The following CYB561 variants were observed in gnomAD, a reference collection of about 807,000 sequenced individuals.
CYB561 encodes transmembrane ascorbate-dependent reductase CYB561.
A neutral mutation model predicts 25.3 loss-of-function variants in CYB561; 11 were observed. That is an observed-to-expected ratio of 0.44 (90% CI 0.27 to 0.72). CYB561 has a LOEUF of 0.72. Ranked by LOEUF, CYB561 falls within the 30% of genes least tolerant of loss-of-function variation. The pLI is 0.18. For synonymous variants in CYB561, 165 were observed against 158.8 expected (o/e 1.04, Z -0.29); for missense variants, 295 against 334.9 (o/e 0.88, Z 0.93).
rs752043130 is a variant in CYB561 at position 63,437,395 on chromosome 17, G to A, written c.153C>T (p.Asn51=). Residue 51 remains asparagine (N), a synonymous_variant, in exon 2 of 6, where the codon AAC becomes AAT. Coordinates refer to ENST00000360793, the MANE Select transcript of CYB561 (RefSeq NM_001915.4). ...GIAWESDLQF[N]AHPLCMVIGL... is the part of the protein sequence containing the mutation. ...CTATGACCATGCAGAGGGGGTGCGC[G>A]TTGAACTGCAGGTCGCTCTCCCAGG... The A allele has an allele frequency of 6.2e-7, 1 of 1,614,072 alleles. No homozygotes were observed. The highest frequency in any genetic ancestry group is 8.5e-7 in the Non-Finnish European group (1 of 1,180,004).
At position 63,436,253 on chromosome 17, in the gene CYB561, G is replaced by GGA; in HGVS notation, c.203-102_203-101insTC. 1 of 1,420,574 alleles carries GGA rather than the reference G, an allele frequency of 7.0e-7. No homozygotes were observed. Among genetic ancestry groups the GGA allele is most frequent in the South Asian group, 1.3e-5 (1 of 75,570 alleles). The allele number at this position is 1,420,574 out of a possible 1,614,324, so 88.0% of individuals were successfully genotyped here. ...CCTTGGTGGAGAGGTGATGTGAGCTGACGGCTTGTAACAGGAGCCTAGCTG... is the reference window on the plus strand; with the variant it reads ...CCTTGGTGGAGAGGTGATGTGAGCTGGAACGGCTTGTAACAGGAGCCTAGCTG... On this transcript the variant is annotated intron_variant, in intron 2 of 5. Coordinates refer to ENST00000360793, the MANE Select transcript of CYB561 (RefSeq NM_001915.4). The surrounding 1 kb of genome is among the most constrained non-coding windows in gnomAD (Gnocchi z 4.8).
At chr17:63,438,138 G>A (rs2049334387) in intron 1 of CYB561, 1 of 1,535,436 alleles carries the variant, frequency 6.5e-7, no homozygotes, top group Non-Finnish European at 8.7e-7. Flanking sequence ...CACGACGCCA[G>A]GAGTTCCATA....
At position 63,436,972 on chromosome 17, in the gene CYB561, G is replaced by GCGCA. The variant is rs910891313; in HGVS notation, c.202+370_202+373dup. On this transcript the variant is annotated intron_variant, in intron 2 of 5. Transcript: ENST00000360793. This position sits in a 1 kb window ranked among gnomAD's most constrained non-coding sequence, Gnocchi z 4.8. ...TCCAAGACCAACAACACACATGCGC[G>GCGCA]CGCACGCACGCACGCATACAAACTC... 19 of 246,836 alleles carry GCGCA rather than the reference G, an allele frequency of 7.7e-5. No homozygotes were observed. Among genetic ancestry groups the GCGCA allele is most frequent in the Admixed American group, 2.6e-4 (5 of 19,368 alleles). 15.3% of individuals were successfully genotyped at this position (246,836 alleles called of 1,614,324 possible).
Position 63,434,395 on chromosome 17 carries a change from G to A in CYB561, c.*7C>T, listed in dbSNP as rs750202101. On this transcript the variant is annotated 3_prime_UTR_variant, in exon 6 of 6. Transcript: ENST00000360793. ...ACCCCGCGAACCCCCAGGGCCGGCC[G>A]GGCGCATCACTGGGAGCCGGGGCTA... 13 of 1,548,234 alleles carry A rather than the reference G, an allele frequency of 8.4e-6. No homozygotes were observed. The highest frequency in any genetic ancestry group is 2.4e-5 in the East Asian group (1 of 41,362).
rs964489851 is a variant in CYB561 at position 63,434,296 on chromosome 17, G to A, written c.*106C>T. The A allele has an allele frequency of 1.1e-4, 116 of 1,033,562 alleles. No individual in the cohort carries two copies. The highest frequency in any genetic ancestry group is 3.1e-4 in the Middle Eastern group (1 of 3,268). The allele number at this position is 1,033,562 out of a possible 1,614,324, so 64.0% of individuals were successfully genotyped here. Reference sequence around the variant, plus strand: ...CAAACAGATGCAGCTGCACCCACGCGCCCGCCTGCTGCCAGAGCCACTCTC... The same window carrying A: ...CAAACAGATGCAGCTGCACCCACGCACCCGCCTGCTGCCAGAGCCACTCTC... On this transcript the variant is annotated 3_prime_UTR_variant, in exon 6 of 6. Transcript: ENST00000360793.
chr17:63,435,390 G>A (rs573969111), intron 4 of CYB561, 147 bp from the exon 5 acceptor site: 2 of 848,672 alleles, frequency 2.4e-6, no homozygotes, highest in African/African-American at 1.7e-5. Context: ...ACAGTGGTGG[G>A]AGGAGCACTA....
At chr17:63,437,284 G>A in intron 2 of CYB561, 62 bp downstream of exon 2, 1 of 1,367,814 alleles carries the variant, frequency 7.3e-7, no homozygotes, top group Non-Finnish European at 1.0e-6. Context: ...CAAGACCCCT[G>A]CAAACTGCCT....
At chr17:63,438,236 T>C in intron 1 of CYB561, 1 of 1,534,190 alleles carries the variant, frequency 6.5e-7, no homozygotes, top group Non-Finnish European at 8.7e-7. Context: ...CATGAGGCCC[T>C]GGCCTTCCCT....
chr17:63,442,282 T>C (rs945531076), intron 1 of CYB561, among the ~76,000 whole-genome samples: 8 of 152,168 alleles, frequency 5.3e-5, no homozygotes, highest in Non-Finnish European at 1.0e-4. Context: ...CCCATTTGTG[T>C]GCAGGGAAGG....
chr17:63,437,050 C>T, intron 2 of CYB561: 1 of 479,126 alleles, frequency 2.1e-6, no homozygotes, highest in South Asian at 2.8e-5. Context: ...GCAGCAGGGC[C>T]TGGCTCGGAG....
rs761669903 is a variant in CYB561, at chr17:63,436,094, G to T, written c.261C>A (p.His87Gln). Residue 87 changes from histidine (H) to glutamine (Q), a missense_variant, in exon 3 of 6, where the codon CAC becomes CAA. Transcript: ENST00000360793. This position sits in a 1 kb window ranked among gnomAD's most constrained non-coding sequence, Gnocchi z 4.8. ...CGAGCGCAAAGATGTGCAGCAGCCC[G>T]TGCAGGACCTTGGTGGTGCGTTTAG... ...NEAKRTTKVL[H>Q]GLLHIFALVI... The T allele has an allele frequency of 1.2e-6, 2 of 1,614,228 alleles. No individual in the cohort carries two copies. Among genetic ancestry groups the T allele is most frequent in the East Asian group, 2.2e-5 (1 of 44,886 alleles).
intron 5 of CYB561, 147 bp from the exon 6 acceptor site, chr17:63,434,741 C>A (rs553472296): frequency 7.9e-5 from 54 of 684,452 alleles, no homozygotes; most frequent in Non-Finnish European, 7.7e-5. Context: ...ACCATCCCCC[C>A]GCCCCCAACC....
intron 1 of CYB561, among the ~76,000 whole-genome samples, chr17:63,445,646 C>T (rs1056194420): frequency 1.1e-4 from 17 of 152,264 alleles, no homozygotes; most frequent in Non-Finnish European, 1.9e-4. Flanking sequence ...GTGGCGGCAG[C>T]TCCGCCCTCA....
intron 1 of CYB561, 86 bp from the exon 2 acceptor site, chr17:63,437,646 A>G: frequency 1.0e-6 from 1 of 1,002,418 alleles, no homozygotes; most frequent in Non-Finnish European, 1.4e-6. Context: ...GCCCCCCAAG[A>G]TGCGCACAGG....
chr17:63,441,049 G>A (rs1351884951), intron 1 of CYB561, among the ~76,000 whole-genome samples: 1 of 152,218 alleles, frequency 6.6e-6, no homozygotes, highest in Admixed American at 6.5e-5. Context: ...CGCAGAGCGA[G>A]GGGCCGCTGC....
At position 63,437,593 on chromosome 17, in the gene CYB561, G is replaced by A. The variant is rs144929160; in HGVS notation, c.-13-33C>T. The A allele has an allele frequency of 2.4e-4, 376 of 1,561,822 alleles. 1 individual carries two copies. In the African/African-American group the frequency reaches 4.5e-3, roughly 19 times the overall value. On this transcript the variant is annotated intron_variant, in intron 1 of 5. Transcript: ENST00000360793. ...AAAGAGCAGAGCTCAGAGGAGCAGC[G>A]CACAGCACCCCGAGATGCGCACAGC...
chr17:63,437,279 C>G (rs1276655798), intron 2 of CYB561, 67 bp downstream of exon 2: 1 of 1,262,158 alleles, frequency 7.9e-7, no homozygotes, highest in African/African-American at 1.5e-5. Flanking sequence ...GGTGACAAGA[C>G]CCCTGCAAAC....
rs535390506 is a variant in CYB561 at position 63,434,519 on chromosome 17, C to T, written c.639G>A (p.Gly213=). ...VLGLLLACFG[G]AVLYILTRAD... ...CCCGGGTCAAGATGTAGAGCACCGC[C>T]CCACCGAAGCAGGCCAGCAGCAGGC... Residue 213 remains glycine (G), a synonymous_variant, in exon 6 of 6, where the codon GGG becomes GGA. Transcript: ENST00000360793. 1.9e-6 allele frequency: 3 copies of T among 1,613,548 alleles called. No homozygotes were observed. The highest frequency in any genetic ancestry group is 2.5e-6 in the Non-Finnish European group (3 of 1,179,960).
At chr17:63,437,301 G>A (rs1412104475) in intron 2 of CYB561, 45 bp downstream of exon 2, 1 of 1,514,172 alleles carries the variant, frequency 6.6e-7, no homozygotes, top group Non-Finnish European at 9.1e-7. Context: ...GCCTCTCAGG[G>A]ACCCCCACAA....
Sources: gnomAD v4.1 joint callset for allele counts (sites outside exome capture counted in the v4.1 genomes callset) on GRCh38, gnomAD v4.1.1 for gene constraint, Gnocchi (gnomAD v3.1) non-coding constraint, MANE v1.5 for transcripts, NCBI Gene and HGNC (gene_info 2026-07-23, HGNC 2026-07-21) for gene names.